The following PARD3B variants were observed in gnomAD, a reference collection of about 807,000 sequenced individuals.
The protein encoded by PARD3B is par-3 family cell polarity regulator beta.
A neutral mutation model predicts 130.2 loss-of-function variants in PARD3B; 103 were observed. The ratio of observed to expected loss-of-function variants is 0.79; its 90% CI spans 0.67 to 0.93. The LOEUF is 0.93. Among genes scored for constraint, PARD3B ranks in the 40% least tolerant of loss-of-function variants. PARD3B has a pLI of 0.00. For synonymous variants in PARD3B, 583 were observed against 553.2 expected (o/e 1.05, Z -0.76); for missense variants, 1,609 against 1,499.2 (o/e 1.07, Z -1.21).
At chr2:204,721,467 A>C (rs1163394565) in intron 2 of PARD3B, among the ~76,000 whole-genome samples, 9 of 152,138 alleles carry the variant, frequency 5.9e-5, no homozygotes. Flanking sequence ...AAGTGGACTA[A>C]AGTTTTATAG....
chr2:205,416,172 G>C (rs2046768559), intron 19 of PARD3B, among the ~76,000 whole-genome samples: 1 of 152,068 alleles, frequency 6.6e-6, no homozygotes, highest in South Asian at 2.1e-4. Context: ...CTGTCTGAAA[G>C]TATTCCTGTT....
chr2:204,616,185 A>G (rs2034106447), intron 1 of PARD3B, among the ~76,000 whole-genome samples: 1 of 152,218 alleles, frequency 6.6e-6, no homozygotes, highest in South Asian at 2.1e-4. Context: ...ATGAGATGAT[A>G]AGCCAAAGAC....
At chr2:204,785,405 T>C (rs2041975386) in intron 2 of PARD3B, among the ~76,000 whole-genome samples, 1 of 152,170 alleles carries the variant, frequency 6.6e-6, no homozygotes, top group African/African-American at 2.4e-5. Context: ...CAGCCCCTGC[T>C]CTTACCTCTG....
chr2:205,072,220 T>C (rs1194679276), intron 4 of PARD3B, among the ~76,000 whole-genome samples: 1 of 148,980 alleles, frequency 6.7e-6, no homozygotes, highest in Non-Finnish European at 1.5e-5. Flanking sequence ...TTGGACTTCA[T>C]AATTAAAATA....
At chr2:205,115,713 G>T (rs760896198) in intron 6 of PARD3B, among the ~76,000 whole-genome samples, 2 of 152,124 alleles carry the variant, frequency 1.3e-5, no homozygotes, top group Admixed American at 6.5e-5. Flanking sequence ...CAACCCATGT[G>T]TCTAGATGCA....
chr2:205,535,484 C>G (rs2051807883), intron 21 of PARD3B, among the ~76,000 whole-genome samples: 1 of 152,198 alleles, frequency 6.6e-6, no homozygotes, highest in South Asian at 2.1e-4. Context: ...TCATTGTAAT[C>G]TGCATGTGAA....
intron 20 of PARD3B, among the ~76,000 whole-genome samples, chr2:205,487,033 T>C (rs1198368287): frequency 6.6e-6 from 1 of 152,210 alleles, no homozygotes; most frequent in Non-Finnish European, 1.5e-5. Context: ...TATAATTCTG[T>C]GTTTATTACA....
At chr2:204,830,696 A>G (rs1166076947) in intron 2 of PARD3B, among the ~76,000 whole-genome samples, 1 of 152,204 alleles carries the variant, frequency 6.6e-6, no homozygotes, top group Admixed American at 6.5e-5. Context: ...ATTCTCTCCT[A>G]TCACTGTCTC....
At chr2:204,722,578 C>T (rs116391234) in intron 2 of PARD3B, among the ~76,000 whole-genome samples, 1 of 152,114 alleles carries the variant, frequency 6.6e-6, no homozygotes, top group African/African-American at 2.4e-5. Flanking sequence ...TCTTGACTAG[C>T]GAGAAGAGAT....
intron 19 of PARD3B, among the ~76,000 whole-genome samples, chr2:205,414,441 GACA>G (rs1365248373): frequency 1.3e-5 from 2 of 152,188 alleles, no homozygotes; most frequent in Admixed American, 6.5e-5. Context: ...TTCAAAAACT[GACA>G]ACATTTTATT....
At chr2:205,582,229 T>TA (rs1239504537) in intron 22 of PARD3B, among the ~76,000 whole-genome samples, 1 of 152,176 alleles carries the variant, frequency 6.6e-6, no homozygotes, top group East Asian at 1.9e-4. Flanking sequence ...GGACATCGGC[T>TA]AACACACCTG....
rs770471616 is a variant in PARD3B at position 205,301,520 on chromosome 2, GC to G, written c.2453del (p.Pro818LeufsTer7). 2 of 1,614,032 alleles carry G rather than the reference GC, an allele frequency of 1.2e-6. No individual in the cohort carries two copies. Among genetic ancestry groups the G allele is most frequent in the Non-Finnish European group, 1.7e-6 (2 of 1,180,022 alleles). On this transcript the variant is annotated frameshift_variant, in exon 18 of 23. Coordinates refer to ENST00000406610, the MANE Select transcript of PARD3B (RefSeq NM_001302769.2). LOFTEE classifies it high-confidence loss of function. This position sits in a 1 kb window ranked among gnomAD's most constrained non-coding sequence, Gnocchi z 5.2. ...CCAAGGAGCTCTGAATTGTGAGTCT[GC>G]CCCTCAGGGGAATTCGGAGCTAGAG... ...SGQGALNCES[A>X]PQGNSELEDM... is the part of the protein sequence containing the mutation.
At chr2:204,862,136 A>G (rs1043913787) in intron 2 of PARD3B, among the ~76,000 whole-genome samples, 1 of 152,124 alleles carries the variant, frequency 6.6e-6, no homozygotes, top group African/African-American at 2.4e-5. Flanking sequence ...TTAGAGGAAT[A>G]TGCCTTTTTA....
intron 15 of PARD3B, among the ~76,000 whole-genome samples, chr2:205,243,221 A>G (rs1296825937): frequency 6.6e-6 from 1 of 151,882 alleles, no homozygotes; most frequent in Non-Finnish European, 1.5e-5. Context: ...TTCAACCCAC[A>G]TCTGTCTGAT....
intron 2 of PARD3B, among the ~76,000 whole-genome samples, chr2:204,709,101 A>T (rs1353865867): frequency 6.6e-6 from 1 of 152,166 alleles, no homozygotes; most frequent in East Asian, 1.9e-4. Context: ...TGCTTGTTGC[A>T]TTCCTTTTAT....
intron 1 of PARD3B, among the ~76,000 whole-genome samples, chr2:204,549,942 A>G (rs535515126): frequency 1.5e-4 from 23 of 152,126 alleles, no homozygotes; most frequent in Admixed American, 6.5e-4. Context: ...AAAACAAACA[A>G]ATAAAAGCAT....
At chr2:205,459,833 A>T (rs188182971) in intron 20 of PARD3B, among the ~76,000 whole-genome samples, 2 of 152,236 alleles carry the variant, frequency 1.3e-5, no homozygotes, top group East Asian at 3.9e-4. Flanking sequence ...AAAATAGCTA[A>T]TCTGGTGGTG....
At chr2:205,235,105 G>T (rs1000084198) in intron 15 of PARD3B, among the ~76,000 whole-genome samples, 2 of 152,006 alleles carry the variant, frequency 1.3e-5, no homozygotes, top group Non-Finnish European at 2.9e-5. Context: ...TCAAATAAAT[G>T]ACCTCAGCTT....
At chr2:204,576,416 T>C (rs2032262458) in intron 1 of PARD3B, among the ~76,000 whole-genome samples, 1 of 152,216 alleles carries the variant, frequency 6.6e-6, no homozygotes, top group Admixed American at 6.5e-5. Context: ...ATCTGTTTTG[T>C]AAATCAATGA....
Sources: gnomAD v4.1 joint callset for allele counts (sites outside exome capture counted in the v4.1 genomes callset) on GRCh38, gnomAD v4.1.1 for gene constraint, Gnocchi (gnomAD v3.1) non-coding constraint, MANE v1.5 for transcripts, NCBI Gene and HGNC (gene_info 2026-07-23, HGNC 2026-07-21) for gene names.